Variants in MTHFD1L observed in about 807,000 individuals in gnomAD.
MTHFD1L encodes the protein methylenetetrahydrofolate dehydrogenase (NADP+ dependent) 1 like.
MTHFD1L carries 81 observed loss-of-function variants against 119.5 expected under a neutral mutation model. That is an observed-to-expected ratio of 0.68 (90% CI 0.57 to 0.82). The LOEUF is 0.82. MTHFD1L is among the 40% of genes least tolerant of loss of function. MTHFD1L has a pLI of 0.00. For missense variants in MTHFD1L, 1,125 were observed against 1,253.4 expected, an observed-to-expected ratio of 0.90 and a Z score of 1.55; for synonymous variants, 430 against 475.2, an observed-to-expected ratio of 0.90 and a Z score of 1.24.
intron 27 of MTHFD1L, chr6:151,100,083 A>G (rs967485770): frequency 5.1e-5 from 29 of 566,474 alleles, no homozygotes; most frequent in Non-Finnish European, 8.0e-5. Flanking sequence ...ACCCAGGCTG[A>G]AGTGCAGTGG....
chr6:150,882,651 C>T (rs1781560928), intron 4 of MTHFD1L, 111 bp from the exon 5 acceptor site: 4 of 779,980 alleles, frequency 5.1e-6, no homozygotes, highest in Admixed American at 4.2e-5. Flanking sequence ...AAAACAACAA[C>T]AAACTATAAC....
At position 151,036,883 on chromosome 6, in the gene MTHFD1L, C is replaced by T. The variant is rs141047285; in HGVS notation, c.2695-82C>T. The T allele has an allele frequency of 1.4e-4, 208 of 1,483,994 alleles. 1 individual carries two copies. The East Asian group carries it at 3.7e-3, about 27-fold the overall frequency. The allele number at this position is 1,483,994 out of a possible 1,614,324, so 91.9% of individuals were successfully genotyped here. ...ATCTGAGCCGGCATACCATTGCTGCCGAGACTGTATAAAGTGCAAATTGAA... is the reference window on the plus strand; with the variant it reads ...ATCTGAGCCGGCATACCATTGCTGCTGAGACTGTATAAAGTGCAAATTGAA... On this transcript the variant is annotated intron_variant, in intron 25 of 27. Transcript: ENST00000367321.
At chr6:151,051,276 C>T (rs1166708255) in intron 26 of MTHFD1L, among the ~76,000 whole-genome samples, 1 of 152,174 alleles carries the variant, frequency 6.6e-6, no homozygotes, top group Non-Finnish European at 1.5e-5. Context: ...CAGATTGGAT[C>T]GTGGGGCCAT....
At chr6:150,939,921 A>G (rs1792811875) in intron 13 of MTHFD1L, among the ~76,000 whole-genome samples, 1 of 151,894 alleles carries the variant, frequency 6.6e-6, no homozygotes, top group Admixed American at 6.6e-5. Flanking sequence ...GTGAGCTCAG[A>G]CAATCCACTG....
rs183254804 is a variant in MTHFD1L, at chr6:150,927,802, G to C, written c.1256+1507G>C. ...TGTTGGGGAAGCAGGGGCTGGGGGA[G>C]TAGCAAAATGCCCAGGATGAGGGTG... is the stretch of plus-strand genomic sequence containing the variant. On this transcript the variant is annotated intron_variant, in intron 11 of 27. Transcript: ENST00000367321. Among the ~76,000 whole-genome samples the C allele has an allele frequency of 3.7e-4, 57 of 152,204 alleles. No homozygotes were observed. In the East Asian group the frequency reaches 8.5e-3, roughly 23 times the overall value.
At chr6:150,918,447 G>A (rs535373637) in intron 8 of MTHFD1L, 130 bp from the exon 9 acceptor site, 37 of 697,634 alleles carry the variant, frequency 5.3e-5, no homozygotes, top group East Asian at 2.1e-4. Flanking sequence ...GTCTGCAGCC[G>A]TGCCCCGACA....
chr6:150,985,917 T>C (rs1487298689), intron 20 of MTHFD1L, among the ~76,000 whole-genome samples: 1 of 152,100 alleles, frequency 6.6e-6, no homozygotes, highest in Non-Finnish European at 1.5e-5. Context: ...GCAGAGAATC[T>C]TCGGTGGCAT....
Position 150,926,059 on chromosome 6 carries a change from C to A in MTHFD1L, c.1083-63C>A. On this transcript the variant is annotated intron_variant, in intron 10 of 27. Coordinates refer to ENST00000367321, the MANE Select transcript of MTHFD1L (RefSeq NM_015440.5). This position sits in a 1 kb window ranked among gnomAD's most constrained non-coding sequence, Gnocchi z 4.3. ...TTGGCGTGATGTGTGGCTGTTTTCA[C>A]TCCAGTTGTGACCACCTAAGCTGAG... 6.8e-7 allele frequency: 1 copy of A among 1,472,118 alleles called. No individual in the cohort carries two copies. The highest frequency in any genetic ancestry group is 1.3e-5 in the South Asian group (1 of 76,494). The allele number at this position is 1,472,118 out of a possible 1,614,324, so 91.2% of individuals were successfully genotyped here. A position where few individuals can be genotyped will look rare whatever the true frequency, so the allele number is the denominator to read the frequency against.
chr6:150,902,457 T>A (rs1294304790), intron 7 of MTHFD1L, among the ~76,000 whole-genome samples: 1 of 152,192 alleles, frequency 6.6e-6, no homozygotes, highest in East Asian at 1.9e-4. Context: ...TTGGCCAGGG[T>A]CTCTCCCATT....
chr6:150,937,534 C>A (rs577865782), intron 12 of MTHFD1L, among the ~76,000 whole-genome samples: 2 of 152,264 alleles, frequency 1.3e-5, no homozygotes, highest in Admixed American at 1.3e-4. Context: ...CTTGGCACTT[C>A]GTGATTTTTT....
intron 26 of MTHFD1L, among the ~76,000 whole-genome samples, chr6:151,083,301 G>A (rs201744364): frequency 2.0e-5 from 3 of 152,184 alleles, no homozygotes; most frequent in South Asian, 4.2e-4. Context: ...AGGTTCAAGC[G>A]ATTCTCCTGC....
chr6:150,867,424 G>T (rs897791966), intron 1 of MTHFD1L, among the ~76,000 whole-genome samples: 3 of 152,214 alleles, frequency 2.0e-5, no homozygotes, highest in Admixed American at 2.0e-4. Flanking sequence ...ACTCCTGGGC[G>T]CAAGCCATCA....
chr6:150,960,448 T>C (rs778235930), intron 18 of MTHFD1L, 33 bp downstream of exon 18: 1 of 1,579,706 alleles, frequency 6.3e-7, no homozygotes, highest in Non-Finnish European at 8.6e-7. Flanking sequence ...CTTCAGGGAG[T>C]GGACGGTCCT....
rs76048645 is a variant in MTHFD1L, at chr6:151,091,127, T to C, written c.2848-1340T>C. The stretch of plus-strand genomic sequence containing the variant: ...CGACTGGGTACAGCATCGTTCTATG[T>C]GACTGGGTGCAGCATCGCCCCATGT... On this transcript the variant is annotated intron_variant, in intron 26 of 27. Coordinates refer to ENST00000367321, the MANE Select transcript of MTHFD1L (RefSeq NM_015440.5). Among the ~76,000 whole-genome samples, 723 of 134,264 alleles carry C rather than the reference T, an allele frequency of 5.4e-3. 49 individuals are homozygous for C. Among genetic ancestry groups the C allele is most frequent in the African/African-American group, 0.022 (663 of 30,336 alleles). The allele number at this position is 134,264 out of a possible 152,430, so 88.1% of individuals were successfully genotyped here.
At chr6:150,938,870 AC>A in intron 13 of MTHFD1L, 125 bp downstream of exon 13, 1 of 1,059,414 alleles carries the variant, frequency 9.4e-7, no homozygotes, top group Non-Finnish European at 1.4e-6. Flanking sequence ...AGGCTCTGAA[AC>A]CCCAAAATGT....
intron 24 of MTHFD1L, among the ~76,000 whole-genome samples, chr6:151,016,178 G>A (rs1177348218): frequency 6.6e-6 from 1 of 152,180 alleles, no homozygotes; most frequent in East Asian, 1.9e-4. Context: ...TTGTCCCAAA[G>A]CCTGTGCTTT....
At chr6:150,866,352 G>A in intron 1 of MTHFD1L, 4 of 1,427,528 alleles carry the variant, frequency 2.8e-6, no homozygotes, top group Middle Eastern at 2.3e-4. Flanking sequence ...GCCGGCCGCC[G>A]GCTCTGATGC....
chr6:150,990,881 A>G (rs534106237), intron 20 of MTHFD1L, among the ~76,000 whole-genome samples: 15 of 152,072 alleles, frequency 9.9e-5, no homozygotes, highest in Non-Finnish European at 5.9e-5. Flanking sequence ...TTTGAAATGT[A>G]GTCTCGCTCT....
chr6:150,940,032 G>A (rs951415981), intron 13 of MTHFD1L, among the ~76,000 whole-genome samples: 2 of 152,032 alleles, frequency 1.3e-5, no homozygotes, highest in African/African-American at 4.8e-5. Context: ...ATTTTCCCAT[G>A]CCTGGAACAT....
Sources: gnomAD v4.1 joint callset for allele counts (sites outside exome capture counted in the v4.1 genomes callset) on GRCh38, gnomAD v4.1.1 for gene constraint, Gnocchi (gnomAD v3.1) non-coding constraint, MANE v1.5 for transcripts, NCBI Gene and HGNC (gene_info 2026-07-23, HGNC 2026-07-21) for gene names.